DIPK1A: variants seen among roughly 807,000 people sequenced by gnomAD.
DIPK1A encodes the protein divergent protein kinase domain 1A.
DIPK1A carries 27 observed loss-of-function variants against 40.8 expected under a neutral mutation model. That is an observed-to-expected ratio of 0.66 (90% CI 0.49 to 0.91). DIPK1A has a LOEUF of 0.91. Ranked by LOEUF, DIPK1A falls within the 40% of genes least tolerant of loss-of-function variation. DIPK1A has a pLI of 0.00. For missense variants in DIPK1A, 412 were observed against 505.7 expected (o/e 0.81, Z 1.78); for synonymous variants, 166 against 171.3 (o/e 0.97, Z 0.24).
In DIPK1A at chr1:92,919,346, G is replaced by A. The variant is rs149427845; in HGVS notation, c.54+42030C>T. 3.1e-3 allele frequency among the ~76,000 whole-genome samples: 469 copies of A among 152,164 alleles called. 3 individuals carry two copies. The highest frequency in any genetic ancestry group is 0.01 in the African/African-American group (429 of 41,512). The stretch of plus-strand genomic sequence containing the variant: ...TATCCTAGCTTCATCTCTCACCACC[G>A]CTTGTATCATCATTCTACTGAACTT... On this transcript the variant is annotated intron_variant, in intron 1 of 4. Coordinates refer to ENST00000370310, the MANE Select transcript of DIPK1A (RefSeq NM_001006605.5).
intron 1 of DIPK1A, among the ~76,000 whole-genome samples, chr1:92,883,342 A>T (rs1648464433): frequency 6.6e-6 from 1 of 152,240 alleles, no homozygotes; most frequent in African/African-American, 2.4e-5. Context: ...CATCATAGGG[A>T]TCTTCAACAT....
intron 4 of DIPK1A, chr1:92,835,201 G>T (rs1687070258): frequency 4.1e-6 from 2 of 483,752 alleles, no homozygotes; most frequent in Non-Finnish European, 7.6e-6. Flanking sequence ...CTTGTAGCTA[G>T]TGTCTACTTA....
intron 1 of DIPK1A, among the ~76,000 whole-genome samples, chr1:92,955,425 A>C (rs1224208903): frequency 6.6e-6 from 1 of 151,992 alleles, no homozygotes; most frequent in Non-Finnish European, 1.5e-5. Flanking sequence ...GGGGCTGGGC[A>C]CGGTGGCTCA....
At chr1:92,833,827 A>G (rs896374278) in intron 4 of DIPK1A, 7 of 625,372 alleles carry the variant, frequency 1.1e-5, no homozygotes, top group Admixed American at 2.8e-5. Context: ...GGAACTTGGT[A>G]CTTTAAAAAA....
chr1:92,836,599 C>T (rs1469564728), intron 4 of DIPK1A: 2 of 578,212 alleles, frequency 3.5e-6, no homozygotes, highest in Non-Finnish European at 6.1e-6. Flanking sequence ...AGTTATTTGT[C>T]CCAAGTTTTT....
rs1282666248 is a variant in DIPK1A, at chr1:92,842,774, C to A, written c.*609G>T. 1.0e-6 allele frequency: 1 copy of A among 985,174 alleles called. No individual in the cohort carries two copies. The highest frequency in any genetic ancestry group is 1.2e-6 in the Non-Finnish European group (1 of 829,870). 61.0% of individuals were successfully genotyped at this position (985,174 alleles called of 1,614,324 possible). On this transcript the variant is annotated 3_prime_UTR_variant, in exon 5 of 5. Coordinates refer to ENST00000370310, the MANE Select transcript of DIPK1A (RefSeq NM_001006605.5). ...TTAGTCAATAAAATTGGTGTACTGT[C>A]AAGTATAAGATTTCTTGAAGTAAGC...
Position 92,843,965 on chromosome 1 carries a change from A to G in DIPK1A, c.705T>C (p.Ser235=). ...LYVMESVEYT[S]LYGISLPWVI... ...CCCAAGGAAGGCTTATTCCATAAAG[A>G]GAGGTATATTCAACACTTTCCATCA... Residue 235 remains serine, a synonymous_variant, in exon 5 of 5, where the codon TCT becomes TCC. Coordinates refer to ENST00000370310, the MANE Select transcript of DIPK1A (RefSeq NM_001006605.5). 7 of 1,551,972 alleles carry G rather than the reference A, an allele frequency of 4.5e-6. No homozygotes were observed. Among genetic ancestry groups the G allele is most frequent in the Non-Finnish European group, 5.2e-6 (6 of 1,147,032 alleles).
intron 1 of DIPK1A, among the ~76,000 whole-genome samples, chr1:92,881,480 T>C (rs1198156683): frequency 6.6e-6 from 1 of 152,184 alleles, no homozygotes; most frequent in African/African-American, 2.4e-5. Context: ...GAGCATATTC[T>C]GTGTTTTGAT....
intron 4 of DIPK1A, among the ~76,000 whole-genome samples, chr1:92,846,811 A>ATATATGTGTGTGTG (rs1687622052): frequency 6.3e-4 from 2 of 3,198 alleles, no homozygotes; most frequent in African/African-American, 4.7e-3. Flanking sequence ...ATATATATAT[A>ATATATGTGTGTGTG]TATATATATA....
chr1:92,874,876 T>C (rs2100773212), intron 2 of DIPK1A, among the ~76,000 whole-genome samples: 1 of 152,262 alleles, frequency 6.6e-6, no homozygotes, highest in South Asian at 2.1e-4. Context: ...TACACTATTA[T>C]GCTAAGGATT....
chr1:92,843,199 A>G lies in DIPK1A; in HGVS notation c.*184T>C, dbSNP rs924985033. 7 of 1,369,676 alleles carry G rather than the reference A, an allele frequency of 5.1e-6. No homozygotes were observed. In the South Asian group the frequency reaches 1.1e-4, roughly 22 times the overall value. 84.8% of individuals were successfully genotyped at this position (1,369,676 alleles called of 1,614,324 possible). ...GGGCTTCTAAAAGGGCAGGAATGAC[A>G]TCTTGGGGACCTGTTGATCCTACAC... On this transcript the variant is annotated 3_prime_UTR_variant, in exon 5 of 5. Transcript: ENST00000370310.
At chr1:92,950,970 T>C (rs1651613180) in intron 1 of DIPK1A, among the ~76,000 whole-genome samples, 1 of 152,212 alleles carries the variant, frequency 6.6e-6, no homozygotes, top group South Asian at 2.1e-4. Context: ...AATTCAATTA[T>C]ATCTTCCTGT....
chr1:92,893,293 C>G (rs1443952175), intron 1 of DIPK1A, among the ~76,000 whole-genome samples: 1 of 151,424 alleles, frequency 6.6e-6, no homozygotes, highest in Non-Finnish European at 1.5e-5. Flanking sequence ...ATCAGACTAA[C>G]AGCGGATCTC....
chr1:92,876,253 T>C (rs1320227786), intron 2 of DIPK1A, 43 bp downstream of exon 2: 5 of 1,313,492 alleles, frequency 3.8e-6, no homozygotes, highest in Non-Finnish European at 4.1e-6. Context: ...AATATAGTGT[T>C]ATGAAGAGGC....
At chr1:92,915,868 C>A (rs1199322255) in intron 1 of DIPK1A, among the ~76,000 whole-genome samples, 4 of 152,088 alleles carry the variant, frequency 2.6e-5, no homozygotes, top group African/African-American at 7.2e-5. Flanking sequence ...CGGAAACAAT[C>A]CAAATGTCTA....
chr1:92,923,176 T>C (rs1036213148), intron 1 of DIPK1A, among the ~76,000 whole-genome samples: 3 of 152,208 alleles, frequency 2.0e-5, no homozygotes, highest in Non-Finnish European at 1.5e-5. Flanking sequence ...TCTCACTCTG[T>C]TGCCCAGGCT....
At chr1:92,839,780 A>C (rs999287176), downstream of DIPK1A, among the ~76,000 whole-genome samples, 1 of 152,194 alleles carries the variant, frequency 6.6e-6, no homozygotes, top group African/African-American at 2.4e-5. Context: ...AATTTGATTT[A>C]GAGTGACTCA....
chr1:92,891,888 G>A (rs1205151054), intron 1 of DIPK1A, among the ~76,000 whole-genome samples: 2 of 152,166 alleles, frequency 1.3e-5, no homozygotes, highest in African/African-American at 2.4e-5. Flanking sequence ...AGGGTCCTAC[G>A]CCCATGGAGC....
intron 1 of DIPK1A, among the ~76,000 whole-genome samples, chr1:92,905,283 G>C (rs566663076): frequency 1.3e-5 from 2 of 152,100 alleles, no homozygotes; most frequent in South Asian, 4.2e-4. Context: ...AACATACAAG[G>C]GTTCCTTTTT....
Sources: gnomAD v4.1 joint callset for allele counts (sites outside exome capture counted in the v4.1 genomes callset) on GRCh38, gnomAD v4.1.1 for gene constraint, MANE v1.5 for transcripts, NCBI Gene and HGNC (gene_info 2026-07-23, HGNC 2026-07-21) for gene names.